Variants in DTNA observed in about 807,000 individuals in gnomAD.
DTNA encodes dystrophin-related protein 3.
DTNA carries 43 observed loss-of-function variants against 100.7 expected under a neutral mutation model. That is an observed-to-expected ratio of 0.43 (90% CI 0.33 to 0.55). The LOEUF is 0.55. DTNA is among the 20% of genes least tolerant of loss of function. The pLI is 0.04. For missense variants in DTNA, 798 were observed against 953.9 expected (o/e 0.84, Z 2.15); for synonymous variants, 349 against 347.9 (o/e 1.00, Z -0.04).
chr18:34,731,593 G>A (rs1396673007), intron 1 of DTNA, among the ~76,000 whole-genome samples: 5 of 152,186 alleles, frequency 3.3e-5, no homozygotes, highest in African/African-American at 1.2e-4. Context: ...TGATGATGAT[G>A]ATTCTGTATT....
intron 1 of DTNA, among the ~76,000 whole-genome samples, chr18:34,540,161 G>C (rs915504257): frequency 7.2e-5 from 11 of 151,938 alleles, no homozygotes; most frequent in African/African-American, 2.6e-4. Context: ...TCCAAAAAAT[G>C]TGGAATATCT....
At position 34,642,637 on chromosome 18, in the gene DTNA, C is replaced by T. The variant is rs539255027; in HGVS notation, c.-1-113339C>T. Reference sequence around the variant, plus strand: ...GCAGTGGCGCGATCTCGGCTCACTGCGACCTCCGACTCCCTGGTTCAAGCA... The same window carrying T: ...GCAGTGGCGCGATCTCGGCTCACTGTGACCTCCGACTCCCTGGTTCAAGCA... On this transcript the variant is annotated intron_variant, in intron 1 of 19. Coordinates refer to the DTNA transcript ENST00000283365. Among the ~76,000 whole-genome samples, 32 of 152,096 alleles carry T rather than the reference C, an allele frequency of 2.1e-4. No individual in the cohort carries two copies. In the South Asian group the frequency reaches 4.2e-3, roughly 20 times the overall value.
At chr18:34,629,914 T>C (rs561096504) in intron 1 of DTNA, among the ~76,000 whole-genome samples, 3 of 152,328 alleles carry the variant, frequency 2.0e-5, no homozygotes, top group Admixed American at 6.5e-5. Flanking sequence ...TCTGATTCCA[T>C]GCTTCCTCAG....
intron 1 of DTNA, among the ~76,000 whole-genome samples, chr18:34,685,833 C>G (rs112449087): frequency 0.024 from 3,704 of 152,170 alleles, 172 homozygotes; most frequent in African/African-American, 0.085. Context: ...GTTTGTAGTT[C>G]TCCTTGAAGA....
At chr18:34,772,188 C>G (rs2093809276) in intron 3 of DTNA, among the ~76,000 whole-genome samples, 1 of 152,092 alleles carries the variant, frequency 6.6e-6, no homozygotes, top group Non-Finnish European at 1.5e-5. Context: ...GTCATATCAA[C>G]TAAAATTTAA....
chr18:34,834,165 C>A (rs2096079167), intron 11 of DTNA, among the ~76,000 whole-genome samples: 1 of 151,980 alleles, frequency 6.6e-6, no homozygotes, highest in Non-Finnish European at 1.5e-5. Context: ...CTTTATGTTG[C>A]TGTAAAGGAA....
intron 13 of DTNA, among the ~76,000 whole-genome samples, chr18:34,840,140 T>TA (rs2096241690): frequency 6.6e-6 from 1 of 152,208 alleles, no homozygotes; most frequent in African/African-American, 2.4e-5. Flanking sequence ...TTTGTATTTT[T>TA]AAAAATGTAT....
intron 1 of DTNA, among the ~76,000 whole-genome samples, chr18:34,565,991 C>T (rs2047048775): frequency 6.6e-6 from 1 of 152,082 alleles, no homozygotes; most frequent in South Asian, 2.1e-4. Context: ...AAATGCCTGG[C>T]AAATAGCAAG....
chr18:34,501,982 C>A (rs1269143455), intron 1 of DTNA, among the ~76,000 whole-genome samples: 1 of 152,172 alleles, frequency 6.6e-6, no homozygotes, highest in African/African-American at 2.4e-5. Context: ...TAATCACTTT[C>A]TTTAAAAGTC....
intron 1 of DTNA, among the ~76,000 whole-genome samples, chr18:34,745,116 C>T (rs1338543422): frequency 6.6e-6 from 1 of 152,050 alleles, no homozygotes; most frequent in Non-Finnish European, 1.5e-5. Flanking sequence ...TAAGTAGTGT[C>T]GTGGCTATTA....
intron 4 of DTNA, among the ~76,000 whole-genome samples, chr18:34,804,418 G>T (rs1393902306): frequency 6.6e-6 from 1 of 152,176 alleles, no homozygotes; most frequent in Non-Finnish European, 1.5e-5. Context: ...TCATTTCAGA[G>T]GTTATGACCG....
At chr18:34,685,519 C>T (rs374095462) in intron 1 of DTNA, among the ~76,000 whole-genome samples, 1 of 152,102 alleles carries the variant, frequency 6.6e-6, no homozygotes, top group Non-Finnish European at 1.5e-5. Flanking sequence ...GGTACCAGTA[C>T]CATGCTGTCT....
intron 1 of DTNA, among the ~76,000 whole-genome samples, chr18:34,657,770 G>A (rs1470672788): frequency 6.6e-6 from 1 of 152,128 alleles, no homozygotes; most frequent in Non-Finnish European, 1.5e-5. Flanking sequence ...TATGCATTTG[G>A]GAAGGAGGGG....
At chr18:34,618,882 G>A (rs2055878513) in intron 1 of DTNA, among the ~76,000 whole-genome samples, 1 of 152,222 alleles carries the variant, frequency 6.6e-6, no homozygotes, top group South Asian at 2.1e-4. Context: ...CTGCCCCAGG[G>A]AGCTCAAAGA....
intron 3 of DTNA, among the ~76,000 whole-genome samples, chr18:34,789,444 T>G (rs1218988484): frequency 6.6e-6 from 1 of 152,264 alleles, no homozygotes; most frequent in Non-Finnish European, 1.5e-5. Context: ...TCCTGCAACC[T>G]TATCTTGTTC....
At chr18:34,549,750 T>C (rs1468861790) in intron 1 of DTNA, among the ~76,000 whole-genome samples, 2 of 152,108 alleles carry the variant, frequency 1.3e-5, no homozygotes, top group African/African-American at 4.8e-5. Context: ...TTTAGAGCCA[T>C]ATTAGATGAG....
chr18:34,858,088 C>T (rs1222379591), intron 15 of DTNA, among the ~76,000 whole-genome samples, 197 bp from the exon 16 acceptor site: 4 of 152,122 alleles, frequency 2.6e-5, no homozygotes, highest in African/African-American at 7.2e-5. Flanking sequence ...TCAATCTTCC[C>T]GTCACCCACA....
At chr18:34,534,207 G>A (rs1000071295) in intron 1 of DTNA, among the ~76,000 whole-genome samples, 1 of 151,956 alleles carries the variant, frequency 6.6e-6, no homozygotes, top group African/African-American at 2.4e-5. Context: ...AAATTAGCCG[G>A]GCATGGTGGT....
At chr18:34,728,399 T>A (rs1299026413) in intron 1 of DTNA, among the ~76,000 whole-genome samples, 2 of 151,996 alleles carry the variant, frequency 1.3e-5, no homozygotes, top group East Asian at 1.9e-4. Context: ...GTTTAAAAAA[T>A]TTAAAAAAAT....
Sources: gnomAD v4.1 joint callset for allele counts (sites outside exome capture counted in the v4.1 genomes callset) on GRCh38, gnomAD v4.1.1 for gene constraint, MANE v1.5 for transcripts, NCBI Gene and HGNC (gene_info 2026-07-23, HGNC 2026-07-21) for gene names.